SOX5: variants seen among roughly 807,000 people sequenced by gnomAD.
The protein encoded by SOX5 is transcription factor SOX-5.
A neutral mutation model predicts 92.0 loss-of-function variants in SOX5; 9 were observed. The observed-to-expected ratio is 0.10, with a 90% CI of 0.06 to 0.17. The LOEUF (loss-of-function observed/expected upper bound fraction) is 0.17, where lower values mean the gene tolerates loss of function less well. SOX5 is among the 10% of genes least tolerant of loss of function. The pLI is 1.00. For missense variants in SOX5, 642 were observed against 944.5 expected, an observed-to-expected ratio of 0.68 and a Z score of 4.20; for synonymous variants, 344 against 336.3, an observed-to-expected ratio of 1.02 and a Z score of -0.25.
chr12:24,547,178 ATTTT>A (rs575562827), intron 1 of SOX5, among the ~76,000 whole-genome samples: 3 of 99,758 alleles, frequency 3.0e-5, no homozygotes, highest in Admixed American at 1.1e-4. Flanking sequence ...GATATCTAAC[ATTTT>A]TTTTTTTTTT....
chr12:24,440,323 C>A (rs1160508602), intron 1 of SOX5, among the ~76,000 whole-genome samples: 1 of 152,142 alleles, frequency 6.6e-6, no homozygotes, highest in Admixed American at 6.5e-5. Flanking sequence ...TATCTTCCTC[C>A]TGACAGTAAA....
chr12:24,120,695 T>C (rs1354105229), intron 4 of SOX5, among the ~76,000 whole-genome samples: 2 of 152,176 alleles, frequency 1.3e-5, no homozygotes, highest in African/African-American at 4.8e-5. Context: ...ATATAATATG[T>C]TTGAGAGCAA....
At chr12:23,948,836 A>T (rs936786458) in intron 1 of SOX5, among the ~76,000 whole-genome samples, 1 of 152,180 alleles carries the variant, frequency 6.6e-6, no homozygotes, top group Non-Finnish European at 1.5e-5. Flanking sequence ...AATAGGAACA[A>T]CTTAATTACA....
chr12:23,940,730 A>T (rs1042458779), intron 1 of SOX5, among the ~76,000 whole-genome samples: 1 of 143,110 alleles, frequency 7.0e-6, no homozygotes, highest in African/African-American at 2.6e-5. Flanking sequence ...TTTTATTTAC[A>T]GAGGAGATAA....
At chr12:23,946,612 T>A (rs771037857) in intron 1 of SOX5, among the ~76,000 whole-genome samples, 2 of 151,996 alleles carry the variant, frequency 1.3e-5, no homozygotes, top group Non-Finnish European at 2.9e-5. Context: ...CAGTTAAATA[T>A]ATAAATTTAT....
chr12:24,515,668 CTAGCACCACAAAAT>C (rs1949716498), intron 1 of SOX5, among the ~76,000 whole-genome samples: 1 of 152,178 alleles, frequency 6.6e-6, no homozygotes, highest in Admixed American at 6.5e-5. Flanking sequence ...ACCAATTCAC[CTAGCACCACAAAAT>C]TAATCAGTTT....
chr12:24,219,387 T>C (rs958262190), intron 3 of SOX5, among the ~76,000 whole-genome samples: 1 of 152,116 alleles, frequency 6.6e-6, no homozygotes, highest in Non-Finnish European at 1.5e-5. Context: ...TTATTACACA[T>C]TGTGTGCTCA....
chr12:23,988,270 G>A (rs1037187580), intron 4 of SOX5, among the ~76,000 whole-genome samples: 2 of 152,064 alleles, frequency 1.3e-5, no homozygotes. Context: ...GGGTCACCTG[G>A]GACATCATTC....
intron 8 of SOX5, among the ~76,000 whole-genome samples, chr12:23,636,409 A>G (rs1396315935): frequency 1.3e-5 from 2 of 152,174 alleles, no homozygotes; most frequent in Non-Finnish European, 2.9e-5. Flanking sequence ...AAAGCATATC[A>G]TTTTGCTTGT....
At chr12:24,523,671 G>A (rs550728064) in intron 1 of SOX5, among the ~76,000 whole-genome samples, 45 of 152,136 alleles carry the variant, frequency 3.0e-4, no homozygotes, top group Non-Finnish European at 6.0e-4. Context: ...ATCGTGCTGG[G>A]AAAACTGGAT....
intron 3 of SOX5, among the ~76,000 whole-genome samples, chr12:23,810,884 C>T (rs2095864362): frequency 6.6e-6 from 1 of 152,114 alleles, no homozygotes; most frequent in Non-Finnish European, 1.5e-5. Context: ...TCTTTTTGAG[C>T]TTCACAGCCA....
chr12:23,969,090 T>C (rs963792187), intron 4 of SOX5, among the ~76,000 whole-genome samples: 5 of 152,186 alleles, frequency 3.3e-5, no homozygotes, highest in Non-Finnish European at 5.9e-5. Context: ...ATCCACCTAA[T>C]TGTTTGGGCC....
chr12:24,460,642 T>A (rs923231350), intron 1 of SOX5: 1 of 152,224 alleles, frequency 6.6e-6, no homozygotes, highest in Non-Finnish European at 1.5e-5. Flanking sequence ...TTTCACATCA[T>A]GAGGAATAAT....
At chr12:23,841,924 G>T (rs1156393395) in intron 3 of SOX5, among the ~76,000 whole-genome samples, 1 of 151,938 alleles carries the variant, frequency 6.6e-6, no homozygotes, top group Non-Finnish European at 1.5e-5. Flanking sequence ...CTATGCATTT[G>T]CACATATAAA....
intron 6 of SOX5, among the ~76,000 whole-genome samples, chr12:23,723,674 A>G (rs1411583035): frequency 6.6e-6 from 1 of 151,588 alleles, no homozygotes; most frequent in Non-Finnish European, 1.5e-5. Flanking sequence ...AAAGTAAATG[A>G]TCAAAAAAAG....
intron 3 of SOX5, among the ~76,000 whole-genome samples, chr12:24,270,358 T>A (rs1943571424): frequency 6.6e-6 from 1 of 152,172 alleles, no homozygotes; most frequent in South Asian, 2.1e-4. Flanking sequence ...ACGCCTGGCC[T>A]AATGTGGGGA....
chr12:23,660,973 T>C (rs979455629), intron 7 of SOX5, among the ~76,000 whole-genome samples: 9 of 152,330 alleles, frequency 5.9e-5, no homozygotes, highest in Admixed American at 5.9e-4. Context: ...CCTGGGAACC[T>C]TGGCACACAG....
chr12:24,088,950 A>G (rs1048012200), intron 4 of SOX5, among the ~76,000 whole-genome samples: 12 of 152,036 alleles, frequency 7.9e-5, no homozygotes, highest in African/African-American at 2.9e-4. Flanking sequence ...TTTCTTTAAG[A>G]ATGAAACAGG....
At chr12:23,755,775 T>C in intron 3 of SOX5, 51 bp from the exon 4 acceptor site, 3 of 1,197,030 alleles carry the variant, frequency 2.5e-6, no homozygotes, top group Non-Finnish European at 2.3e-6. Context: ...CTCCTTACAA[T>C]GGAGCTCATT....
Sources: gnomAD v4.1 joint callset for allele counts (sites outside exome capture counted in the v4.1 genomes callset) on GRCh38, gnomAD v4.1.1 for gene constraint, MANE v1.5 for transcripts, NCBI Gene and HGNC (gene_info 2026-07-23, HGNC 2026-07-21) for gene names.